NCK2: variants seen among roughly 807,000 people sequenced by gnomAD.
NCK2 encodes NCK adaptor protein 2.
A neutral mutation model predicts 33.9 loss-of-function variants in NCK2; 16 were observed. That is an observed-to-expected ratio of 0.47 (90% CI 0.32 to 0.72). The LOEUF is 0.72. Among genes scored for constraint, NCK2 ranks in the 30% least tolerant of loss-of-function variants. The pLI is 0.03. For synonymous variants in NCK2, 273 were observed against 239.9 expected (o/e 1.14, Z -1.27); for missense variants, 418 against 537.3 (o/e 0.78, Z 2.19).
intron 3 of NCK2, among the ~76,000 whole-genome samples, chr2:105,867,825 A>C (rs1340995637): frequency 6.6e-6 from 1 of 152,202 alleles, no homozygotes; most frequent in African/African-American, 2.4e-5. Flanking sequence ...CTTCCTAACT[A>C]ATTACTTGAG....
intron 1 of NCK2, among the ~76,000 whole-genome samples, chr2:105,768,886 A>G (rs114079823): frequency 0.019 from 2,872 of 152,270 alleles, 51 homozygotes; most frequent in Non-Finnish European, 0.022. Flanking sequence ...CTCCTAGTGC[A>G]CCATCCCAAT....
At chr2:105,756,815 A>AT (rs1689610080) in intron 1 of NCK2, among the ~76,000 whole-genome samples, 1 of 152,102 alleles carries the variant, frequency 6.6e-6, no homozygotes, top group Non-Finnish European at 1.5e-5. Flanking sequence ...TGAACTTTTT[A>AT]TTTTTTGAGA....
chr2:105,850,636 G>T (rs561111334), intron 2 of NCK2, among the ~76,000 whole-genome samples: 9 of 152,138 alleles, frequency 5.9e-5, no homozygotes, highest in African/African-American at 2.2e-4. Flanking sequence ...CAAAAATTAG[G>T]TTTCCTTGAA....
intron 3 of NCK2, among the ~76,000 whole-genome samples, chr2:105,864,227 G>A (rs1677660498): frequency 6.6e-6 from 1 of 152,106 alleles, no homozygotes; most frequent in East Asian, 1.9e-4. Context: ...TTGTCTTCAG[G>A]ACACGACTGG....
At position 105,893,209 on chromosome 2, in the gene NCK2, C is replaced by G. The variant is rs773281489; in HGVS notation, c.*33C>G. ...CCGGCCCCACACTCGCCTCCCGGGC[C>G]CCACGGTGGAGCTGCCCGCCCGGCC... On this transcript the variant is annotated 3_prime_UTR_variant, in exon 5 of 5. Transcript: ENST00000233154. 1.1e-4 allele frequency: 176 copies of G among 1,540,260 alleles called. No homozygotes were observed. The highest frequency in any genetic ancestry group is 1.5e-4 in the Non-Finnish European group (172 of 1,141,244).
chr2:105,889,721 C>CCA (rs1406036322), intron 4 of NCK2, among the ~76,000 whole-genome samples: 1 of 151,922 alleles, frequency 6.6e-6, no homozygotes, highest in African/African-American at 2.4e-5. Flanking sequence ...GTAGCTGGGA[C>CCA]CACAGGTATG....
At chr2:105,812,576 A>G (rs1675329302) in intron 1 of NCK2, among the ~76,000 whole-genome samples, 1 of 152,204 alleles carries the variant, frequency 6.6e-6, no homozygotes. Context: ...CTCCTTGGTC[A>G]GGGAGGGAGG....
In NCK2 at chr2:105,893,157, T is replaced by C. The variant is rs1412845098; in HGVS notation, c.1124T>C (p.Leu375Pro). 1 of 1,605,246 alleles carries C rather than the reference T, an allele frequency of 6.2e-7. No individual in the cohort carries two copies. The highest frequency in any genetic ancestry group is 8.5e-7 in the Non-Finnish European group (1 of 1,175,788). The part of the protein sequence containing the change: ...FTSEHGEKLY[L>P]VRALQ ...AGCGAGCACGGGGAGAAGCTCTACC[T>C]CGTCAGGGCCCTGCAGTGACGGCGC... Residue 375 changes from leucine (L) to proline (P), a missense_variant, in exon 5 of 5, where the codon CTC becomes CCC. Coordinates refer to ENST00000233154, the MANE Select transcript of NCK2 (RefSeq NM_003581.5).
At chr2:105,861,795 A>C (rs1677544354) in intron 3 of NCK2, among the ~76,000 whole-genome samples, 1 of 152,134 alleles carries the variant, frequency 6.6e-6, no homozygotes, top group African/African-American at 2.4e-5. Flanking sequence ...GATTATAGGC[A>C]TGAGCCACCG....
chr2:105,756,893 C>G (rs146082910), intron 1 of NCK2, among the ~76,000 whole-genome samples: 1,964 of 152,302 alleles, frequency 0.013, 19 homozygotes, highest in Non-Finnish European at 0.02. Flanking sequence ...CAACCTCCCC[C>G]CTCCTGGGTT....
chr2:105,758,555 G>GCC (rs1689666868), intron 1 of NCK2, among the ~76,000 whole-genome samples: 3 of 151,680 alleles, frequency 2.0e-5, no homozygotes, highest in Non-Finnish European at 4.4e-5. Flanking sequence ...TACTACAGGT[G>GCC]CGTACCACCA....
intron 1 of NCK2, among the ~76,000 whole-genome samples, chr2:105,775,887 A>G (rs1690282802): frequency 6.6e-6 from 1 of 152,198 alleles, no homozygotes; most frequent in Admixed American, 6.5e-5. Flanking sequence ...CTGGTCATCA[A>G]AAAGTTCCTT....
intron 2 of NCK2, among the ~76,000 whole-genome samples, chr2:105,824,011 G>A (rs1413379180): frequency 2.0e-5 from 3 of 152,264 alleles, no homozygotes; most frequent in East Asian, 3.9e-4. Flanking sequence ...CAGTGGTGAC[G>A]TCCCTCTTGA....
At chr2:105,821,649 A>C (rs1675744787) in intron 2 of NCK2, among the ~76,000 whole-genome samples, 1 of 152,108 alleles carries the variant, frequency 6.6e-6, no homozygotes, top group Non-Finnish European at 1.5e-5. Context: ...AAGCAGCTGT[A>C]ATCTATGGGG....
chr2:105,788,007 A>G (rs1029801691), intron 1 of NCK2, among the ~76,000 whole-genome samples: 8 of 151,572 alleles, frequency 5.3e-5, no homozygotes, highest in Non-Finnish European at 1.2e-4. Flanking sequence ...AGGACAAATC[A>G]GAGTTGGGAT....
chr2:105,863,515 G>T (rs1677628844), intron 3 of NCK2, among the ~76,000 whole-genome samples: 1 of 152,156 alleles, frequency 6.6e-6, no homozygotes. Context: ...CGATCAGAAG[G>T]GGGAGCCTGG....
intron 1 of NCK2, among the ~76,000 whole-genome samples, chr2:105,747,323 G>C (rs1165201091): frequency 6.6e-6 from 1 of 152,162 alleles, no homozygotes; most frequent in Non-Finnish European, 1.5e-5. Context: ...AATCTTCCTT[G>C]CATGTGCACA....
intron 1 of NCK2, among the ~76,000 whole-genome samples, chr2:105,802,389 G>C (rs1049444928): frequency 3.9e-5 from 6 of 152,200 alleles, no homozygotes; most frequent in African/African-American, 1.4e-4. Context: ...TTGCATTACT[G>C]TAAAGGAATA....
intron 2 of NCK2, among the ~76,000 whole-genome samples, chr2:105,846,148 A>G (rs1676847955): frequency 2.0e-5 from 3 of 152,214 alleles, no homozygotes; most frequent in South Asian, 2.1e-4. Flanking sequence ...CCAACGAGAA[A>G]GCCAAGGAAG....
Sources: allele counts gnomAD v4.1 joint callset (sites outside exome capture counted in the v4.1 genomes callset), GRCh38; gene constraint gnomAD v4.1.1; transcripts MANE v1.5; gene names NCBI Gene and HGNC (gene_info 2026-07-23, HGNC 2026-07-21).